Variants in RPTOR observed in about 807,000 individuals in gnomAD.
The protein encoded by RPTOR is regulatory associated protein of MTOR complex 1.
RPTOR carries 21 observed loss-of-function variants against 169.9 expected under a neutral mutation model. The observed-to-expected ratio is 0.12, with a 90% CI of 0.09 to 0.18. The LOEUF (loss-of-function observed/expected upper bound fraction) is 0.18. Ranked by LOEUF, RPTOR falls within the 10% of genes least tolerant of loss-of-function variation. RPTOR has a pLI of 1.00. For missense variants in RPTOR, 1,133 were observed against 1,855.9 expected, an observed-to-expected ratio of 0.61 and a Z score of 7.16; for synonymous variants, 732 against 753.2, an observed-to-expected ratio of 0.97 and a Z score of 0.46.
At chr17:80,582,920 T>C (rs936355311) in intron 1 of RPTOR, among the ~76,000 whole-genome samples, 1 of 150,824 alleles carries the variant, frequency 6.6e-6, no homozygotes, top group Middle Eastern at 3.4e-3. Context: ...TTTTTTCTTT[T>C]TTTTTTTTTG....
chr17:80,904,095 C>T (rs1468224616), intron 20 of RPTOR, among the ~76,000 whole-genome samples: 5 of 152,344 alleles, frequency 3.3e-5, no homozygotes, highest in Admixed American at 1.3e-4. Flanking sequence ...GGAGGTGCTG[C>T]GTCTTCCCTG....
At chr17:80,568,894 G>C (rs912075217) in intron 1 of RPTOR, among the ~76,000 whole-genome samples, 1 of 152,138 alleles carries the variant, frequency 6.6e-6, no homozygotes, top group African/African-American at 2.4e-5. Context: ...GCCCAGGCTG[G>C]TCTTGAACTC....
At chr17:80,923,468 T>G (rs934871444) in intron 22 of RPTOR, 22 bp from the exon 23 acceptor site, 12 of 1,613,432 alleles carry the variant, frequency 7.4e-6, no homozygotes, top group Non-Finnish European at 1.0e-5. Flanking sequence ...GGATGCAGTG[T>G]TTGTTTTTCT....
At chr17:80,720,210 A>G (rs1277033918) in intron 4 of RPTOR, among the ~76,000 whole-genome samples, 5 of 152,126 alleles carry the variant, frequency 3.3e-5, no homozygotes, top group African/African-American at 1.2e-4. Context: ...AGACAGGAGA[A>G]TCGCTTGAAC....
chr17:80,735,250 T>C (rs1042570706), intron 5 of RPTOR, among the ~76,000 whole-genome samples: 2 of 152,162 alleles, frequency 1.3e-5, no homozygotes, highest in African/African-American at 2.4e-5. Flanking sequence ...AGTGTAGATA[T>C]GGAATTTTAG....
At chr17:80,685,118 G>T (rs1355345339) in intron 3 of RPTOR, among the ~76,000 whole-genome samples, 1 of 106,230 alleles carries the variant, frequency 9.4e-6, no homozygotes, top group Non-Finnish European at 1.8e-5. Context: ...ATTCCCCTCG[G>T]CAACATAGGA....
At chr17:80,864,271 A>C (rs1404432008) in intron 13 of RPTOR, among the ~76,000 whole-genome samples, 1 of 139,506 alleles carries the variant, frequency 7.2e-6, no homozygotes, top group South Asian at 2.4e-4. Context: ...CAAAGGTGAG[A>C]ATGACGGCAG....
At chr17:80,767,254 C>T (rs559643434) in intron 6 of RPTOR, among the ~76,000 whole-genome samples, 1 of 152,042 alleles carries the variant, frequency 6.6e-6, no homozygotes, top group Non-Finnish European at 1.5e-5. Flanking sequence ...GCTTGTAGTC[C>T]CAGCTACTTG....
At chr17:80,855,668 G>A (rs559228750) in intron 12 of RPTOR, 121 bp downstream of exon 12, 14 of 760,068 alleles carry the variant, frequency 1.8e-5, no homozygotes, top group Non-Finnish European at 2.7e-5. Context: ...GACCCAGGGC[G>A]AGTGTGTCCA....
intron 27 of RPTOR, 117 bp from the exon 28 acceptor site, chr17:80,949,326 T>G (rs35638552): frequency 0.052 from 44,574 of 860,828 alleles, 4,177 homozygotes; most frequent in African/African-American, 0.34. Flanking sequence ...TGAGTCAGGC[T>G]GGCCGCCCAG....
At chr17:80,874,983 T>C (rs1567961426) in intron 13 of RPTOR, among the ~76,000 whole-genome samples, 1 of 152,242 alleles carries the variant, frequency 6.6e-6, no homozygotes, top group Non-Finnish European at 1.5e-5. Flanking sequence ...GGTAGGGTAT[T>C]TGCGTGAAAT....
In RPTOR at chr17:80,962,480, A is replaced by C. The variant is rs768950828; in HGVS notation, c.3712A>C (p.Ile1238Leu). Residue 1238 changes from isoleucine (I) to leucine (L), a missense_variant, in exon 32 of 34, where the codon ATC (isoleucine) becomes CTC (leucine). This residue lies in a region of RPTOR where 410 missense variants were observed against 623.7 expected (regional missense o/e 0.66). Transcript: ENST00000306801. ...TGGCAGCGTCAATGGAGATGTGCGC[A>C]TCTTTGATCCCCGGATGCCTGAGTC... ...VSVSVNGDVRIFDPRMPESVN... is the reference protein window; with the variant it reads ...VSVSVNGDVRLFDPRMPESVN... 3 of 1,613,944 alleles carry C rather than the reference A, an allele frequency of 1.9e-6. No individual in the cohort carries two copies. Among genetic ancestry groups the C allele is most frequent in the Middle Eastern group, 1.7e-4 (1 of 6,058 alleles).
In RPTOR at chr17:80,545,578, G is replaced by T; in HGVS notation, c.-52G>T. The T allele has an allele frequency of 7.1e-7, 1 of 1,415,588 alleles. No individual in the cohort carries two copies. The highest frequency in any genetic ancestry group is 9.7e-7 in the Non-Finnish European group (1 of 1,029,632). The allele number at this position is 1,415,588 out of a possible 1,614,324, so 87.7% of individuals were successfully genotyped here. On this transcript the variant is annotated 5_prime_UTR_variant, in exon 1 of 34. Coordinates refer to ENST00000306801, the MANE Select transcript of RPTOR (RefSeq NM_020761.3). ...CTGGTACACGCTAGTTTTTAAGGCT[G>T]GAGGTTCTCGAGCGCTTGCTGCCAA...
intron 5 of RPTOR, among the ~76,000 whole-genome samples, chr17:80,736,521 A>G (rs1197579499): frequency 1.3e-5 from 2 of 152,194 alleles, no homozygotes; most frequent in African/African-American, 2.4e-5. Context: ...GCTAAATTTT[A>G]TGTCAAATAA....
At chr17:80,891,152 G>A (rs924583992) in intron 17 of RPTOR, among the ~76,000 whole-genome samples, 1 of 152,196 alleles carries the variant, frequency 6.6e-6, no homozygotes, top group Non-Finnish European at 1.5e-5. Flanking sequence ...TGTTCCCTTG[G>A]ACCAAGGCAT....
intron 6 of RPTOR, among the ~76,000 whole-genome samples, chr17:80,762,918 A>G (rs2066749687): frequency 6.6e-6 from 1 of 152,222 alleles, no homozygotes; most frequent in African/African-American, 2.4e-5. Flanking sequence ...GATGGCTAAA[A>G]TGTTTTGAAA....
intron 3 of RPTOR, among the ~76,000 whole-genome samples, chr17:80,679,278 CA>C (rs1345879090): frequency 6.6e-6 from 1 of 151,846 alleles, no homozygotes; most frequent in East Asian, 1.9e-4. Flanking sequence ...CTCCCATCTC[CA>C]AAAACAAAAA....
At chr17:80,868,257 AG>A (rs1156802088) in intron 13 of RPTOR, among the ~76,000 whole-genome samples, 2 of 152,256 alleles carry the variant, frequency 1.3e-5, no homozygotes, top group Non-Finnish European at 2.9e-5. Context: ...AAGCAGACAA[AG>A]AAAATTGGGC....
At chr17:80,902,854 C>G (rs1263830377) in intron 20 of RPTOR, among the ~76,000 whole-genome samples, 1 of 152,272 alleles carries the variant, frequency 6.6e-6, no homozygotes, top group Admixed American at 6.5e-5. Context: ...CGCCTTCCCT[C>G]CCGAAACCCT....
Sources: allele counts gnomAD v4.1 joint callset (sites outside exome capture counted in the v4.1 genomes callset), GRCh38; gene constraint gnomAD v4.1.1; regional missense constraint gnomAD v4.1.1; transcripts MANE v1.5; gene names NCBI Gene and HGNC (gene_info 2026-07-23, HGNC 2026-07-21).